ULK4: variants seen among roughly 807,000 people sequenced by gnomAD.
ULK4 encodes inactive serine/threonine-protein kinase ULK4.
ULK4 carries 133 observed loss-of-function variants against 160.6 expected under a neutral mutation model. The ratio of observed to expected loss-of-function variants is 0.83; its 90% confidence interval spans 0.72 to 0.96. The LOEUF (loss-of-function observed/expected upper bound fraction) is 0.96, where lower values mean the gene tolerates loss of function less well. Among genes scored for constraint, ULK4 ranks in the 40% least tolerant of loss-of-function variants. ULK4 has a pLI of 0.00. For synonymous variants in ULK4, 534 were observed against 539.8 expected (o/e 0.99, Z 0.15); for missense variants, 1,580 against 1,499.5 (o/e 1.05, Z -0.89).
intron 5 of ULK4, 67 bp from the exon 6 acceptor site, chr3:41,919,885 G>A: frequency 1.0e-6 from 1 of 1,000,972 alleles, no homozygotes; most frequent in Non-Finnish European, 1.5e-6. Flanking sequence ...AACCCACCTA[G>A]GAAAGATCTG....
At chr3:41,269,663 AATT>A (rs920437207) in intron 35 of ULK4, among the ~76,000 whole-genome samples, 2 of 152,186 alleles carry the variant, frequency 1.3e-5, no homozygotes, top group African/African-American at 4.8e-5. Flanking sequence ...ATGAAAAACA[AATT>A]ATTATATAGA....
rs71094650 is a variant in ULK4 at position 41,470,018 on chromosome 3, G to GAAAAAAAA, written c.3227-6773_3227-6766dup. Among the ~76,000 whole-genome samples the GAAAAAAAA allele has an allele frequency of 4.7e-3, 215 of 45,976 alleles. 12 individuals are homozygous for GAAAAAAAA. Among genetic ancestry groups the GAAAAAAAA allele is most frequent in the Middle Eastern group, 0.021 (1 of 48 alleles). 30.2% of individuals were successfully genotyped at this position (45,976 alleles called of 152,430 possible). A position where few individuals can be genotyped will look rare whatever the true frequency, so the allele number is the denominator to read the frequency against. The stretch of plus-strand genomic sequence containing the variant: ...GAGGAATTCAAGAAGAAACAGAACA[G>GAAAAAAAA]AAAAAAAAAAAAAAAAAAAAAAAAA... On this transcript the variant is annotated intron_variant, in intron 32 of 36. Coordinates refer to ENST00000301831, the MANE Select transcript of ULK4 (RefSeq NM_017886.4).
chr3:41,841,111 G>A (rs1481171306), intron 17 of ULK4, among the ~76,000 whole-genome samples: 1 of 144,698 alleles, frequency 6.9e-6, no homozygotes, highest in Admixed American at 6.8e-5. Context: ...CCACCCGTCT[G>A]GGAGGTGAGG....
In ULK4 at chr3:41,901,479, CTTTT is replaced by C. The variant is rs566805860; in HGVS notation, c.1183-654_1183-651del. Among the ~76,000 whole-genome samples, 6 of 22,526 alleles carry C rather than the reference CTTTT, an allele frequency of 2.7e-4. 2 individuals are homozygous for C. The highest frequency in any genetic ancestry group is 1.4e-3 in the East Asian group (1 of 716). The allele number at this position is 22,526 out of a possible 152,430, so 14.8% of individuals were successfully genotyped here. ...ACAGGCGTGAGCCACCACGCCCAGCCTTTTTTTTTTTTTTTTTTTGAGATAGAGT... is the reference window on the plus strand; with the variant it reads ...ACAGGCGTGAGCCACCACGCCCAGCCTTTTTTTTTTTTTTTGAGATAGAGT... On this transcript the variant is annotated intron_variant, in intron 12 of 36. Coordinates refer to ENST00000301831, the MANE Select transcript of ULK4 (RefSeq NM_017886.4).
chr3:41,383,116 GAC>G (rs2081709754), intron 35 of ULK4, among the ~76,000 whole-genome samples: 1 of 137,014 alleles, frequency 7.3e-6, no homozygotes, highest in Middle Eastern at 3.9e-3. Context: ...TTTTTTTTCT[GAC>G]ACAGAGTTTC....
chr3:41,324,297 A>G (rs189449748), intron 35 of ULK4, among the ~76,000 whole-genome samples: 1 of 152,328 alleles, frequency 6.6e-6, no homozygotes, highest in East Asian at 1.9e-4. Flanking sequence ...TGCAAATAAG[A>G]AAGCTAAACT....
intron 34 of ULK4, among the ~76,000 whole-genome samples, chr3:41,446,426 C>T (rs576064477): frequency 1.3e-5 from 2 of 152,092 alleles, no homozygotes; most frequent in South Asian, 2.1e-4. Context: ...CACATGCACA[C>T]ATATGTTTAC....
At position 41,721,254 on chromosome 3, in the gene ULK4, AAT is replaced by A. The variant is rs1559507410; in HGVS notation, c.2322-3395_2322-3394del. The stretch of plus-strand genomic sequence containing the variant: ...AGCAGATGAGAAATTTTTCGCTTTG[AAT>A]TTTTTTTTTTTTTTTTTTTTTTTTT... On this transcript the variant is annotated intron_variant, in intron 22 of 36. Coordinates refer to ENST00000301831, the MANE Select transcript of ULK4 (RefSeq NM_017886.4). Among the ~76,000 whole-genome samples the A allele has an allele frequency of 5.9e-3, 239 of 40,508 alleles. 1 individual carries two copies. The highest frequency in any genetic ancestry group is 8.6e-3 in the Admixed American group (25 of 2,904). 26.6% of individuals were successfully genotyped at this position (40,508 alleles called of 152,430 possible).
At chr3:41,799,977 C>A (rs2040407946) in intron 20 of ULK4, among the ~76,000 whole-genome samples, 155 bp downstream of exon 20, 2 of 152,158 alleles carry the variant, frequency 1.3e-5, no homozygotes, top group South Asian at 2.1e-4. Context: ...TTTCAAAATT[C>A]TCTTTTAGAA....
At chr3:41,391,154 A>C (rs75201792) in intron 35 of ULK4, among the ~76,000 whole-genome samples, 1 of 152,092 alleles carries the variant, frequency 6.6e-6, no homozygotes, top group Admixed American at 6.6e-5. Flanking sequence ...ATCATTCAAA[A>C]AGTTCCCAAA....
intron 30 of ULK4, among the ~76,000 whole-genome samples, chr3:41,631,455 T>C (rs2033738503): frequency 6.6e-6 from 1 of 152,168 alleles, no homozygotes; most frequent in Non-Finnish European, 1.5e-5. Context: ...AGTTAGAATA[T>C]GCAGCTATAC....
chr3:41,376,349 A>G (rs60257661), intron 35 of ULK4, among the ~76,000 whole-genome samples: 34,093 of 149,976 alleles, frequency 0.23, 4,836 homozygotes, highest in South Asian at 0.34. Flanking sequence ...CACTATTCAC[A>G]ATAGCAAAGA....
chr3:41,563,028 C>T (rs1007062970), intron 32 of ULK4, among the ~76,000 whole-genome samples: 9 of 152,232 alleles, frequency 5.9e-5, no homozygotes, highest in African/African-American at 2.2e-4. Flanking sequence ...TTAGTGCTTC[C>T]TTTAGGAGCT....
intron 34 of ULK4, among the ~76,000 whole-genome samples, chr3:41,403,682 T>G (rs1259006981): frequency 6.6e-6 from 1 of 152,186 alleles, no homozygotes; most frequent in Non-Finnish European, 1.5e-5. Context: ...GAACTTAGAT[T>G]ATTGATTTAA....
At chr3:41,831,046 T>TTATTTATTTG (rs2041566495) in intron 18 of ULK4, among the ~76,000 whole-genome samples, 1 of 151,748 alleles carries the variant, frequency 6.6e-6, no homozygotes, top group African/African-American at 2.4e-5. Context: ...ATTTATTTAT[T>TTATTTATTTG]AGACAGGGTG....
intron 5 of ULK4, among the ~76,000 whole-genome samples, chr3:41,926,090 T>G (rs112712141): frequency 6.6e-6 from 1 of 152,116 alleles, no homozygotes; most frequent in Non-Finnish European, 1.5e-5. Flanking sequence ...AGACACCTCA[T>G]ACAGGAAAGC....
chr3:41,870,204 G>T (rs1271871210), intron 17 of ULK4, among the ~76,000 whole-genome samples: 1 of 152,144 alleles, frequency 6.6e-6, no homozygotes, highest in Non-Finnish European at 1.5e-5. Context: ...GATTATCTTG[G>T]TCAGGGTTCG....
intron 20 of ULK4, among the ~76,000 whole-genome samples, chr3:41,795,360 C>T (rs2040272452): frequency 6.6e-6 from 1 of 152,116 alleles, no homozygotes; most frequent in Non-Finnish European, 1.5e-5. Flanking sequence ...ATCTTATGGC[C>T]TATTCCTCTT....
At chr3:41,769,985 G>A (rs1006571999) in intron 21 of ULK4, among the ~76,000 whole-genome samples, 2 of 152,084 alleles carry the variant, frequency 1.3e-5, no homozygotes, top group African/African-American at 4.8e-5. Flanking sequence ...TAATATTGAG[G>A]GAAACAAACA....
Sources: gnomAD v4.1 joint callset for allele counts (sites outside exome capture counted in the v4.1 genomes callset) on GRCh38, gnomAD v4.1.1 for gene constraint, MANE v1.5 for transcripts, NCBI Gene and HGNC (gene_info 2026-07-23, HGNC 2026-07-21) for gene names.